PIK3C2A: variants seen among roughly 807,000 people sequenced by gnomAD.
PIK3C2A encodes the protein phosphatidylinositol-4-phosphate 3-kinase catalytic subunit type 2 alpha.
Under a neutral mutation model 204.5 loss-of-function variants are expected in PIK3C2A, and 97 were observed. The ratio of observed to expected loss-of-function variants is 0.47; its 90% confidence interval spans 0.40 to 0.56. The LOEUF (loss-of-function observed/expected upper bound fraction) is 0.56. Among genes scored for constraint, PIK3C2A ranks in the 20% least tolerant of loss-of-function variants. The probability of loss-of-function intolerance (pLI) is 0.00; values close to 1 mark genes in which losing one functional copy is unlikely to be tolerated. For synonymous variants in PIK3C2A, 653 were observed against 664.4 expected, an observed-to-expected ratio of 0.98 and a Z score of 0.26; for missense variants, 1,735 against 1,969.2, an observed-to-expected ratio of 0.88 and a Z score of 2.25.
At chr11:17,096,141 C>T (rs929202950) in intron 27 of PIK3C2A, among the ~76,000 whole-genome samples, 2 of 151,694 alleles carry the variant, frequency 1.3e-5, no homozygotes, top group Middle Eastern at 3.4e-3. Context: ...CGGGTTCAAG[C>T]GATTCTCCTG....
In PIK3C2A at chr11:17,092,151, A is replaced by C; in HGVS notation, c.4569+8T>G. On this transcript the variant is annotated splice_region_variant and intron_variant, in intron 29 of 32. Transcript: ENST00000691414. ...AAGATGTTATTACTTCTCATTTAGT[A>C]AGGTTACCTCTGCTACATCCGTTGA... The C allele has an allele frequency of 6.6e-7, 1 of 1,516,620 alleles. No homozygotes were observed. Among genetic ancestry groups the C allele is most frequent in the South Asian group, 1.1e-5 (1 of 88,834 alleles). 93.9% of individuals were successfully genotyped at this position (1,516,620 alleles called of 1,614,324 possible).
chr11:17,153,437 A>C (rs77553126), intron 3 of PIK3C2A, among the ~76,000 whole-genome samples: 3 of 140,726 alleles, frequency 2.1e-5, no homozygotes, highest in African/African-American at 7.7e-5. Context: ...ACTCCATTTC[A>C]AAAAAAAAAA....
At position 17,095,646 on chromosome 11, in the gene PIK3C2A, G is replaced by C. The variant is rs535696619; in HGVS notation, c.4327-1261C>G. 4.6e-5 allele frequency among the ~76,000 whole-genome samples: 7 copies of C among 151,320 alleles called. No homozygotes were observed. In the East Asian group the frequency reaches 1.4e-3, roughly 30 times the overall value. ...TAAATAAAATAGTCCAGGCATGGTG[G>C]CTCACATAATCCCAGAACTTCGAGA... On this transcript the variant is annotated intron_variant, in intron 27 of 32. Coordinates refer to ENST00000691414, the MANE Select transcript of PIK3C2A (RefSeq NM_002645.4).
Position 17,163,482 on chromosome 11 carries a change from C to T in PIK3C2A, c.1065+5195G>A, listed in dbSNP as rs567449045. On this transcript the variant is annotated intron_variant, in intron 2 of 32. Coordinates refer to ENST00000691414, the MANE Select transcript of PIK3C2A (RefSeq NM_002645.4). Reference sequence around the variant, plus strand: ...AGGGCCTTATCATCATAGCTCATTGCAGCCTCAAACTCCTGGGCTTGAGAT... The same window carrying T: ...AGGGCCTTATCATCATAGCTCATTGTAGCCTCAAACTCCTGGGCTTGAGAT... Among the ~76,000 whole-genome samples, 6 of 152,254 alleles carry T rather than the reference C, an allele frequency of 3.9e-5. 1 individual carries two copies. The highest frequency in any genetic ancestry group is 1.2e-4 in the African/African-American group (5 of 41,544).
Position 17,135,179 on chromosome 11 carries a change from C to T in PIK3C2A, c.1849-20G>A, listed in dbSNP as rs555714197. The T allele has an allele frequency of 1.2e-5, 20 of 1,613,092 alleles. No individual in the cohort carries two copies. The African/African-American group carries it at 2.0e-4, about 16-fold the overall frequency. ...AGTCACCTACACATGCACACACACA[C>T]ACAATAGTCAGAAAACTGCCTATGA... On this transcript the variant is annotated intron_variant, in intron 9 of 32. Transcript: ENST00000691414.
At chr11:17,090,007 T>G (rs1848257439) in intron 32 of PIK3C2A, 87 bp from the exon 33 acceptor site, 2 of 1,012,672 alleles carry the variant, frequency 2.0e-6, no homozygotes, top group Non-Finnish European at 3.0e-6. Context: ...GTGAGAATAT[T>G]AGCCAAAGAG....
chr11:17,189,367 C>G (rs957453014), intron 1 of PIK3C2A, among the ~76,000 whole-genome samples: 2 of 146,516 alleles, frequency 1.4e-5, no homozygotes, highest in Admixed American at 1.3e-4. Flanking sequence ...GTAATCCCAG[C>G]ACTATGGCAG....
Position 17,099,983 on chromosome 11 carries a change from C to A in PIK3C2A, c.4009-14G>T. ...TGAAGGAATCATCTGTAGAAGAAAA[C>A]AAAAAGTTCTGTGAGTTAAATTTTT... is the stretch of plus-strand genomic sequence containing the variant. On this transcript the variant is annotated splice_polypyrimidine_tract_variant and intron_variant, in intron 25 of 32. Coordinates refer to ENST00000691414, the MANE Select transcript of PIK3C2A (RefSeq NM_002645.4). The A allele has an allele frequency of 7.8e-7, 1 of 1,280,656 alleles. No individual in the cohort carries two copies. 79.3% of individuals were successfully genotyped at this position (1,280,656 alleles called of 1,614,324 possible).
intron 22 of PIK3C2A, among the ~76,000 whole-genome samples, chr11:17,107,745 G>A (rs928139090): frequency 6.6e-6 from 1 of 152,342 alleles, no homozygotes; most frequent in Admixed American, 6.5e-5. Context: ...CTCTGCTTTG[G>A]ACAAAGGATT....
intron 20 of PIK3C2A, among the ~76,000 whole-genome samples, chr11:17,113,185 A>G (rs16933837): frequency 0.06 from 9,102 of 152,010 alleles, 734 homozygotes; most frequent in African/African-American, 0.17. Flanking sequence ...CTAATTTAGA[A>G]TTGCTTTTCT....
chr11:17,135,292 T>C (rs1849834226), intron 9 of PIK3C2A, 133 bp from the exon 10 acceptor site: 9 of 831,266 alleles, frequency 1.1e-5, no homozygotes, highest in East Asian at 9.9e-5. Flanking sequence ...AAACGATAAA[T>C]AAATAATGCA....
intron 2 of PIK3C2A, among the ~76,000 whole-genome samples, chr11:17,162,617 A>G (rs537775417): frequency 1.3e-5 from 2 of 152,336 alleles, no homozygotes; most frequent in African/African-American, 2.4e-5. Flanking sequence ...ACCTGTTCAA[A>G]TAAGGCAAAC....
chr11:17,090,637 G>C (rs879621226), intron 32 of PIK3C2A, among the ~76,000 whole-genome samples: 6 of 152,190 alleles, frequency 3.9e-5, no homozygotes, highest in Non-Finnish European at 7.4e-5. Flanking sequence ...GGCTCCTAAG[G>C]TCTATGAGGG....
intron 1 of PIK3C2A, among the ~76,000 whole-genome samples, chr11:17,170,052 C>G (rs1164875861): frequency 5.3e-5 from 8 of 152,172 alleles, no homozygotes; most frequent in Non-Finnish European, 1.2e-4. Flanking sequence ...AAAGCTGGCA[C>G]AGTAAATGAA....
chr11:17,101,856 G>T (rs1242415088), intron 24 of PIK3C2A, among the ~76,000 whole-genome samples: 3 of 151,874 alleles, frequency 2.0e-5, no homozygotes, highest in African/African-American at 7.2e-5. Flanking sequence ...GCCCGCCTTG[G>T]CCTCCCAAAG....
chr11:17,198,306 C>T (rs1852234360), intron 1 of PIK3C2A, among the ~76,000 whole-genome samples: 1 of 151,964 alleles, frequency 6.6e-6, no homozygotes, highest in Non-Finnish European at 1.5e-5. Context: ...GACAGGGTTT[C>T]ACCATGTTGG....
chr11:17,169,550 T>C lies in PIK3C2A; in HGVS notation c.192A>G (p.Lys64=), dbSNP rs1487413688. The C allele has an allele frequency of 1.2e-6, 2 of 1,614,058 alleles. No individual in the cohort carries two copies. Among genetic ancestry groups the C allele is most frequent in the East Asian group, 2.2e-5 (1 of 44,882 alleles). Residue 64 remains lysine, a synonymous_variant, in exon 2 of 33, where the codon AAA becomes AAG. Transcript: ENST00000691414. ...AATCCTGCTTGTTATAAACCTGTGCTTTTTTTCTGGTGCTGCTTGACAACT... is the reference window on the plus strand; with the variant it reads ...AATCCTGCTTGTTATAAACCTGTGCCTTTTTTCTGGTGCTGCTTGACAACT... ...GFELSSSTRK[K]AQVYNKQDYD...
intron 23 of PIK3C2A, 82 bp from the exon 24 acceptor site, chr11:17,102,913 CACTCTTTAAAA>C: frequency 1.2e-6 from 1 of 869,398 alleles, no homozygotes; most frequent in South Asian, 1.8e-5. Context: ...AGTAATTTAT[CACTCTTTAAAA>C]ACACTATTGT....
intron 18 of PIK3C2A, 36 bp from the exon 19 acceptor site, chr11:17,117,707 GGT>G: frequency 2.9e-3 from 1,550 of 530,894 alleles, no homozygotes; most frequent in Middle Eastern, 7.7e-3. Flanking sequence ...GTCACGTCTT[GGT>G]TTTTTTTTTT....
Sources: gnomAD v4.1 joint callset for allele counts (sites outside exome capture counted in the v4.1 genomes callset) on GRCh38, gnomAD v4.1.1 for gene constraint, MANE v1.5 for transcripts, NCBI Gene and HGNC (gene_info 2026-07-23, HGNC 2026-07-21) for gene names.